PSMD7: variants seen among roughly 807,000 people sequenced by gnomAD.
The protein encoded by PSMD7 is 26S proteasome non-ATPase regulatory subunit 7.
In PSMD7, 13 loss-of-function variants were observed where a neutral mutation model predicts 36.4. That is an observed-to-expected ratio of 0.36 (90% CI 0.23 to 0.57). The LOEUF (loss-of-function observed/expected upper bound fraction) is 0.57, where lower values mean the gene tolerates loss of function less well. PSMD7 is among the 20% of genes least tolerant of loss of function. The pLI is 0.83. For missense variants in PSMD7, 298 were observed against 393.6 expected, an observed-to-expected ratio of 0.76 and a Z score of 2.06; for synonymous variants, 186 against 151.0, an observed-to-expected ratio of 1.23 and a Z score of -1.70.
At chr16:74,300,406 G>A (rs2034146465) in intron 2 of PSMD7, 200 bp downstream of exon 2, 3 of 585,902 alleles carry the variant, frequency 5.1e-6, no homozygotes, top group Admixed American at 3.0e-5. Flanking sequence ...GGTCTCCACT[G>A]CACCTGCTCC....
chr16:74,301,370 G>A (rs1378458339), intron 3 of PSMD7, among the ~76,000 whole-genome samples, 185 bp from the exon 4 acceptor site: 10 of 152,132 alleles, frequency 6.6e-5, no homozygotes, highest in Admixed American at 5.9e-4. Context: ...TCTCATTGCG[G>A]CAGAAAAGTG....
intron 5 of PSMD7, among the ~76,000 whole-genome samples, chr16:74,303,201 G>T (rs1487823128): frequency 6.6e-6 from 1 of 152,186 alleles, no homozygotes; most frequent in Non-Finnish European, 1.5e-5. Context: ...ACTGTTAAAG[G>T]TTCTGACCAT....
rs1430427523 is a variant in PSMD7 at position 74,305,319 on chromosome 16, G to A, written c.561G>A (p.Leu187=). Residue 187 remains leucine, a synonymous_variant, in exon 7 of 7, where the codon CTG becomes CTA. Transcript: ENST00000219313. ...TCAAAGACACGACGGTGGGCACTCT[G>A]TCCCAGCGGATCACAAACCAGGTCC... ...RDIKDTTVGT[L]SQRITNQVHG... The A allele has an allele frequency of 1.2e-6, 2 of 1,613,358 alleles. No homozygotes were observed. Among genetic ancestry groups the A allele is most frequent in the African/African-American group, 1.3e-5 (1 of 75,020 alleles).
At chr16:74,297,806 C>T (rs573417477) in intron 1 of PSMD7, among the ~76,000 whole-genome samples, 4 of 152,206 alleles carry the variant, frequency 2.6e-5, no homozygotes, top group African/African-American at 7.2e-5. Context: ...CCCTGACCCC[C>T]GCCCCCAGGG....
intron 5 of PSMD7, among the ~76,000 whole-genome samples, chr16:74,303,009 C>T (rs1306429671): frequency 2.0e-5 from 3 of 152,116 alleles, no homozygotes; most frequent in Admixed American, 6.6e-5. Flanking sequence ...GGTTTTGACC[C>T]AGTTGTTTTT....
At chr16:74,304,202 T>G in intron 5 of PSMD7, 101 bp from the exon 6 acceptor site, 1 of 1,034,978 alleles carries the variant, frequency 9.7e-7, no homozygotes, top group Non-Finnish European at 1.5e-6. Flanking sequence ...ATGCACTCAT[T>G]AAATGAGCTG....
At chr16:74,300,274 C>A in intron 2 of PSMD7, 68 bp downstream of exon 2, 2 of 1,388,824 alleles carry the variant, frequency 1.4e-6, no homozygotes, top group Non-Finnish European at 2.0e-6. Context: ...AAAATATAAA[C>A]CTTTGTTACC....
rs1406786268 is a variant in PSMD7, at chr16:74,305,876, TGTGGTGCTACGTGGAA to T, written c.*147_*162del. On this transcript the variant is annotated 3_prime_UTR_variant, in exon 7 of 7. Coordinates refer to ENST00000219313, the MANE Select transcript of PSMD7 (RefSeq NM_002811.5). ...GCTCTCTGCCTCCGGTCACTCTTGC[TGTGGTGCTACGTGGAA>T]GTGAATGGAGACTGATCTCAAATCT... is the stretch of plus-strand genomic sequence containing the variant. 9.3e-6 allele frequency: 9 copies of T among 967,266 alleles called. No homozygotes were observed. The highest frequency in any genetic ancestry group is 1.3e-5 in the Non-Finnish European group (9 of 716,626). The allele number at this position is 967,266 out of a possible 1,614,324, so 59.9% of individuals were successfully genotyped here.
Position 74,301,488 on chromosome 16 carries a change from C to T in PSMD7, c.260-67C>T, listed in dbSNP as rs561716957. On this transcript the variant is annotated intron_variant, in intron 3 of 6. Transcript: ENST00000219313. ...AGGACATAACTACTGATGTTCTTATCCTTTTTGAGGGAGTTGTATAGATCT... is the reference window on the plus strand; with the variant it reads ...AGGACATAACTACTGATGTTCTTATTCTTTTTGAGGGAGTTGTATAGATCT... 8 of 1,201,728 alleles carry T rather than the reference C, an allele frequency of 6.7e-6. No homozygotes were observed. In the South Asian group the frequency reaches 8.8e-5, roughly 13 times the overall value. 74.4% of individuals were successfully genotyped at this position (1,201,728 alleles called of 1,614,324 possible). A position where few individuals can be genotyped will look rare whatever the true frequency, so the allele number is the denominator to read the frequency against.
intron 5 of PSMD7, among the ~76,000 whole-genome samples, chr16:74,303,794 T>C (rs1208742109): frequency 6.6e-6 from 1 of 151,994 alleles, no homozygotes; most frequent in Non-Finnish European, 1.5e-5. Flanking sequence ...TGATCTCGAC[T>C]CACTGCACCC....
chr16:74,301,190 G>T, intron 3 of PSMD7, 46 bp downstream of exon 3: 2 of 1,285,618 alleles, frequency 1.6e-6, no homozygotes, highest in African/African-American at 2.9e-5. Context: ...ATTGAACTGT[G>T]TGTATGGGGG....
At chr16:74,302,010 C>T (rs539169226) in intron 4 of PSMD7, among the ~76,000 whole-genome samples, 1 of 152,088 alleles carries the variant, frequency 6.6e-6, no homozygotes, top group African/African-American at 2.4e-5. Flanking sequence ...CACTGTACTG[C>T]CCCTCAGCTT....
At chr16:74,301,273 G>A (rs1350741599) in intron 3 of PSMD7, 129 bp downstream of exon 3, 2 of 684,790 alleles carry the variant, frequency 2.9e-6, no homozygotes, top group African/African-American at 1.8e-5. Flanking sequence ...AGTGGTAGTA[G>A]AGGAATAAGG....
chr16:74,297,362 C>T (rs1457636501), intron 1 of PSMD7, among the ~76,000 whole-genome samples: 2 of 150,822 alleles, frequency 1.3e-5, no homozygotes, highest in African/African-American at 4.9e-5. Flanking sequence ...TCTGTCACTT[C>T]GTTTTGAAGT....
At chr16:74,299,801 G>A (rs544296298) in intron 1 of PSMD7, 2 of 434,784 alleles carry the variant, frequency 4.6e-6, no homozygotes, top group Admixed American at 3.7e-5. Flanking sequence ...AAGCTTAAAT[G>A]TGTTTTCAGA....
chr16:74,299,570 A>G, intron 1 of PSMD7: 2 of 455,360 alleles, frequency 4.4e-6, no homozygotes. Context: ...TATTTTTTGT[A>G]GACAGGGTTT....
chr16:74,300,226 T>C lies in PSMD7; in HGVS notation c.166+20T>C. The C allele has an allele frequency of 6.3e-7, 1 of 1,591,342 alleles. No individual in the cohort carries two copies. Among genetic ancestry groups the C allele is most frequent in the Non-Finnish European group, 8.6e-7 (1 of 1,159,248 alleles). The stretch of plus-strand genomic sequence containing the variant: ...TTGCAGGTAAAAGACAAATTTTATG[T>C]TTTTCCGAGCATGATTAAAATGTCA... On this transcript the variant is annotated intron_variant, in intron 2 of 6. Transcript: ENST00000219313.
intron 5 of PSMD7, among the ~76,000 whole-genome samples, chr16:74,302,825 T>C (rs2034165952): frequency 1.3e-5 from 2 of 152,216 alleles, no homozygotes; most frequent in African/African-American, 4.8e-5. Flanking sequence ...AATTTAGATA[T>C]GCAGTATTTA....
intron 5 of PSMD7, among the ~76,000 whole-genome samples, chr16:74,302,602 G>A (rs988155924): frequency 2.0e-5 from 3 of 152,112 alleles, no homozygotes; most frequent in Non-Finnish European, 4.4e-5. Context: ...CATTAGCCAG[G>A]CATGATGGTC....
Sources: allele counts gnomAD v4.1 joint callset (sites outside exome capture counted in the v4.1 genomes callset), GRCh38; gene constraint gnomAD v4.1.1; transcripts MANE v1.5; gene names NCBI Gene and HGNC (gene_info 2026-07-23, HGNC 2026-07-21).